Variants in ACACA observed in about 807,000 individuals in gnomAD.
ACACA encodes the protein acetyl-CoA carboxylase 1.
Under a neutral mutation model 296.1 loss-of-function variants are expected in ACACA, and 103 were observed. The ratio of observed to expected loss-of-function variants is 0.35; its 90% confidence interval spans 0.30 to 0.41. The LOEUF (loss-of-function observed/expected upper bound fraction) is 0.41, where lower values mean the gene tolerates loss of function less well. ACACA is among the 10% of genes least tolerant of loss of function. ACACA has a pLI of 1.00. For missense variants in ACACA, 1,554 were observed against 2,989.7 expected (o/e 0.52, Z 11.20); for synonymous variants, 953 against 1,038.6 (o/e 0.92, Z 1.58).
intron 25 of ACACA, among the ~76,000 whole-genome samples, chr17:37,232,010 C>T (rs2680398): frequency 0.11 from 16,754 of 152,130 alleles, 1,314 homozygotes; most frequent in East Asian, 0.36. Context: ...CCTGATAGGA[C>T]TTTAGCCTTT....
chr17:37,150,223 C>A (rs146053377), intron 44 of ACACA, among the ~76,000 whole-genome samples: 1 of 151,988 alleles, frequency 6.6e-6, no homozygotes, highest in Non-Finnish European at 1.5e-5. Context: ...CTGAGGTGGG[C>A]GGATCACTTG....
rs1453152667 is a variant in ACACA, at chr17:37,087,053, T to C, written c.*263A>G. On this transcript the variant is annotated 3_prime_UTR_variant, in exon 56 of 56. Transcript: ENST00000616317. ...CATGTTTGTACCTTTCATTGCCTTC[T>C]CAGTCCTGTGCAGGGAGTGGAGGAC... 1 of 571,430 alleles carries C rather than the reference T, an allele frequency of 1.7e-6. No homozygotes were observed. Among genetic ancestry groups the C allele is most frequent in the East Asian group, 3.1e-5 (1 of 32,716 alleles). The allele number at this position is 571,430 out of a possible 1,614,324, so 35.4% of individuals were successfully genotyped here.
rs200006134 is a variant in ACACA, at chr17:37,230,387, AAAATAAATAAAT to A, written c.3247-3947_3247-3936del. Among the ~76,000 whole-genome samples the A allele has an allele frequency of 9.1e-3, 1,316 of 144,382 alleles. 6 individuals carry two copies. The highest frequency in any genetic ancestry group is 0.014 in the Middle Eastern group (4 of 276). The allele number at this position is 144,382 out of a possible 152,430, so 94.7% of individuals were successfully genotyped here. ...CAATAAGAGCGAAACTCCATCTCAA[AAAATAAATAAAT>A]AAATAAATAAATAAATAAATAAATA... On this transcript the variant is annotated intron_variant, in intron 25 of 55. Coordinates refer to ENST00000616317, the MANE Select transcript of ACACA (RefSeq NM_198834.3).
chr17:37,381,086 G>A (rs184979744), intron 1 of ACACA, among the ~76,000 whole-genome samples: 337 of 152,054 alleles, frequency 2.2e-3, no homozygotes, highest in Non-Finnish European at 3.3e-3. Flanking sequence ...GTATGAATGT[G>A]CATATTTTAA....
intron 55 of ACACA, among the ~76,000 whole-genome samples, chr17:37,088,206 A>C (rs527762963): frequency 6.6e-6 from 1 of 152,206 alleles, no homozygotes; most frequent in African/African-American, 2.4e-5. Flanking sequence ...GTTTTTAATC[A>C]ATGTTAAATT....
chr17:37,264,964 T>G (rs1166323132), intron 10 of ACACA, among the ~76,000 whole-genome samples: 2 of 152,182 alleles, frequency 1.3e-5, no homozygotes, highest in Admixed American at 6.5e-5. Context: ...CTCAGATGTC[T>G]GGTGATTTGT....
chr17:37,347,639 G>A lies in ACACA; in HGVS notation c.39-7789C>T, dbSNP rs114960374. ...TATTTTAGGCCAGGTGCGGCGGCTC[G>A]CACCTGTAATCCCAACACTTTGGAA... On this transcript the variant is annotated intron_variant, in intron 1 of 55. Transcript: ENST00000616317. 9.9e-3 allele frequency among the ~76,000 whole-genome samples: 1,452 copies of A among 146,786 alleles called. 19 individuals are homozygous for A. Among genetic ancestry groups the A allele is most frequent in the African/African-American group, 0.035 (1,373 of 39,602 alleles).
chr17:37,207,657 C>T lies in ACACA; in HGVS notation c.3851G>A (p.Arg1284Lys). 1 of 1,613,898 alleles carries T rather than the reference C, an allele frequency of 6.2e-7. No homozygotes were observed. Among genetic ancestry groups the T allele is most frequent in the African/African-American group, 1.3e-5 (1 of 75,030 alleles). The change falls in exon 31 of 56, where the codon AGG becomes AAG. Residue 1284 changes from arginine to lysine, a missense_variant and splice_region_variant. Arg to Lys is a conservative substitution (Grantham distance 26). Coordinates refer to ENST00000616317, the MANE Select transcript of ACACA (RefSeq NM_198834.3). ...CAGACATAGTTCCACAATGTCTTAC[C>T]TGACAAAATCTTCAAAAGTCCGAAA... ...VSFRTFEDFV[R>K]IFDEVMGCFS...
At chr17:37,389,776 T>A (rs2050711817) in intron 1 of ACACA, among the ~76,000 whole-genome samples, 1 of 151,556 alleles carries the variant, frequency 6.6e-6, no homozygotes, top group Non-Finnish European at 1.5e-5. Context: ...TGTGAAAAAA[T>A]ATTTTTTTTA....
chr17:37,255,445 C>T (rs899283873), intron 14 of ACACA, among the ~76,000 whole-genome samples: 8 of 152,254 alleles, frequency 5.3e-5, no homozygotes, highest in Admixed American at 3.3e-4. Context: ...AAGAAGGAGA[C>T]TTATTGTAGA....
At chr17:37,339,185 C>T (rs537379323) in intron 2 of ACACA, among the ~76,000 whole-genome samples, 6 of 152,320 alleles carry the variant, frequency 3.9e-5, no homozygotes, top group African/African-American at 1.4e-4. Flanking sequence ...ATAATGGGTG[C>T]CTTCTTCACA....
In ACACA at chr17:37,215,419, G is replaced by A. The variant is rs574864395; in HGVS notation, c.3684-4929C>T. ...AAAAAGATTACTCATGTTCACTAGC[G>A]TATATTAATTATAAAAATCATTTGG... On this transcript the variant is annotated intron_variant, in intron 29 of 55. Transcript: ENST00000616317. Among the ~76,000 whole-genome samples the A allele has an allele frequency of 7.9e-5, 12 of 152,176 alleles. No individual in the cohort carries two copies. In the East Asian group the frequency reaches 2.1e-3, roughly 27 times the overall value.
In ACACA at chr17:37,130,069, G is replaced by A. The variant is rs1272629788; in HGVS notation, c.5823+6C>T. 32 of 1,613,966 alleles carry A rather than the reference G, an allele frequency of 2.0e-5. No individual in the cohort carries two copies. The highest frequency in any genetic ancestry group is 2.7e-5 in the Non-Finnish European group (32 of 1,179,966). On this transcript the variant is annotated splice_donor_region_variant and intron_variant, in intron 46 of 55. Coordinates refer to ENST00000616317, the MANE Select transcript of ACACA (RefSeq NM_198834.3). Reference sequence around the variant, plus strand: ...GCCATGTCAGTGCTGGGTAGGAAGGGCTCACCTTGGGCATGTAAGACAGCC... The same window carrying A: ...GCCATGTCAGTGCTGGGTAGGAAGGACTCACCTTGGGCATGTAAGACAGCC...
intron 3 of ACACA, among the ~76,000 whole-genome samples, chr17:37,320,487 G>A (rs751893881): frequency 2.0e-5 from 3 of 151,838 alleles, no homozygotes; most frequent in Non-Finnish European, 4.4e-5. Flanking sequence ...TTCCAGCCTG[G>A]GCGACAGAGC....
intron 39 of ACACA, among the ~76,000 whole-genome samples, chr17:37,184,876 C>T (rs539594499): frequency 4.0e-5 from 6 of 148,244 alleles, no homozygotes; most frequent in South Asian, 4.2e-4. Context: ...ATCCATGAAA[C>T]GGAATACTAT....
intron 35 of ACACA, 151 bp from the exon 36 acceptor site, chr17:37,193,566 G>A (rs929537084): frequency 5.2e-6 from 3 of 580,626 alleles, no homozygotes; most frequent in African/African-American, 1.9e-5. Context: ...ATATATGAAT[G>A]ATCCTCCGCA....
At chr17:37,341,298 A>G (rs938821204) in intron 1 of ACACA, among the ~76,000 whole-genome samples, 1 of 152,226 alleles carries the variant, frequency 6.6e-6, no homozygotes, top group African/African-American at 2.4e-5. Context: ...GTTAAGATAT[A>G]CCATAGTTTA....
rs1438759566 is a variant in ACACA, at chr17:37,312,093, G to GA, written c.338+18079dup. On this transcript the variant is annotated intron_variant, in intron 3 of 55. Coordinates refer to ENST00000616317, the MANE Select transcript of ACACA (RefSeq NM_198834.3). Reference sequence around the variant, plus strand: ...CAGCAAGACTTCATCTCATTAAAAAGAAAAAAAGGAGTGATGACCTCCAAG... The same window carrying GA: ...CAGCAAGACTTCATCTCATTAAAAAGAAAAAAAAGGAGTGATGACCTCCAAG... Among the ~76,000 whole-genome samples the GA allele has an allele frequency of 2.6e-5, 4 of 151,476 alleles. No homozygotes were observed. In the East Asian group the frequency reaches 5.8e-4, roughly 22 times the overall value.
chr17:37,245,024 A>G, intron 20 of ACACA, 56 bp downstream of exon 20: 1 of 1,613,236 alleles, frequency 6.2e-7, no homozygotes, highest in African/African-American at 1.3e-5. Flanking sequence ...TGCCTCTCCA[A>G]ACCACCAAGT....
Sources: allele counts gnomAD v4.1 joint callset (sites outside exome capture counted in the v4.1 genomes callset), GRCh38; gene constraint gnomAD v4.1.1; transcripts MANE v1.5; gene names NCBI Gene and HGNC (gene_info 2026-07-23, HGNC 2026-07-21).